Variants in PCM1 observed in about 807,000 individuals in gnomAD.
The protein encoded by PCM1 is pericentriolar material 1.
Under a neutral mutation model 241.9 loss-of-function variants are expected in PCM1, and 157 were observed. That is an observed-to-expected ratio of 0.65 (90% CI 0.57 to 0.74). PCM1 has a LOEUF of 0.74. PCM1 is among the 30% of genes least tolerant of loss of function. The probability of loss-of-function intolerance (pLI) is 0.00; values close to 1 mark genes in which losing one functional copy is unlikely to be tolerated. For synonymous variants in PCM1, 1,085 were observed against 784.9 expected (o/e 1.38, Z -6.39); for missense variants, 3,478 against 2,360.1 (o/e 1.47, Z -9.81).
intron 29 of PCM1, among the ~76,000 whole-genome samples, chr8:17,998,329 G>C (rs2087779327): frequency 6.6e-6 from 1 of 152,156 alleles, no homozygotes; most frequent in South Asian, 2.1e-4. Context: ...GCTTGTTTGT[G>C]CCCATTCTTC....
At chr8:18,015,867 T>C (rs1345575991) in intron 36 of PCM1, 1 of 152,252 alleles carries the variant, frequency 6.6e-6, no homozygotes, top group Non-Finnish European at 1.5e-5. Flanking sequence ...CCACAGTTTG[T>C]GTCCTGAGCT....
chr8:17,969,811 G>A (rs1442463835), intron 22 of PCM1, 63 bp downstream of exon 22: 7 of 1,234,748 alleles, frequency 5.7e-6, no homozygotes, highest in Middle Eastern at 1.9e-4. Context: ...ATCTAATTAT[G>A]TGTAATTTGA....
At position 18,011,841 on chromosome 8, in the gene PCM1, G is replaced by T; in HGVS notation, c.5511+14G>T. The T allele has an allele frequency of 1.2e-6, 2 of 1,601,468 alleles. No individual in the cohort carries two copies. Among genetic ancestry groups the T allele is most frequent in the Non-Finnish European group, 1.7e-6 (2 of 1,175,110 alleles). ...CATGATGAACAGGTATTCCCGTATTGACTGACACACTTCCATCAGCCTTAT... is the reference window on the plus strand; with the variant it reads ...CATGATGAACAGGTATTCCCGTATTTACTGACACACTTCCATCAGCCTTAT... On this transcript the variant is annotated intron_variant, in intron 34 of 38. Coordinates refer to ENST00000325083, the MANE Select transcript of PCM1 (RefSeq NM_006197.4).
intron 9 of PCM1, among the ~76,000 whole-genome samples, chr8:17,954,932 C>T (rs987204046): frequency 6.6e-6 from 1 of 152,072 alleles, no homozygotes; most frequent in Non-Finnish European, 1.5e-5. Context: ...TTTTCTTTCT[C>T]TCCTGGAGCA....
rs1351141990 is a variant in PCM1, at chr8:17,957,336, A to C, written c.1719A>C (p.Arg573Ser). ...HSNAQCVSNN[R>S]DGRTVNSNCE... ...ATGCACAGTGTGTTTCTAATAATAGAGATGGGCGAACAGTTAATTCTAATT... is the reference window on the plus strand; with the variant it reads ...ATGCACAGTGTGTTTCTAATAATAGCGATGGGCGAACAGTTAATTCTAATT... The change falls in exon 12 of 39, where the codon AGA (arginine) becomes AGC (serine). Residue 573 changes from arginine to serine, a missense_variant. By Grantham distance (110) the Arg-to-Ser change is moderately radical. Coordinates refer to ENST00000325083, the MANE Select transcript of PCM1 (RefSeq NM_006197.4). 6.2e-7 allele frequency: 1 copy of C among 1,611,566 alleles called. No homozygotes were observed. Among genetic ancestry groups the C allele is most frequent in the Non-Finnish European group, 8.5e-7 (1 of 1,177,940 alleles).
chr8:17,963,730 G>A (rs1157326439), intron 17 of PCM1, among the ~76,000 whole-genome samples: 1 of 152,106 alleles, frequency 6.6e-6, no homozygotes, highest in African/African-American at 2.4e-5. Flanking sequence ...AGTTTAAAAT[G>A]TCCATATTTA....
Position 17,956,628 on chromosome 8 carries a change from A to G in PCM1, c.1497A>G (p.Arg499=), listed in dbSNP as rs1289208711. Residue 499 remains arginine (R), a synonymous_variant, in exon 11 of 39, where the codon AGA becomes AGG. Transcript: ENST00000325083. ...KLQKLNEVRK[R]LNELRELVHY... is the part of the protein sequence containing the mutation. ...GGAAGTTAAATGAAGTTCGAAAGAG[A>G]TTGAATGAGCTAAGAGAATTAGTTC... 1.9e-6 allele frequency: 3 copies of G among 1,597,224 alleles called. No individual in the cohort carries two copies. Among genetic ancestry groups the G allele is most frequent in the Non-Finnish European group, 2.6e-6 (3 of 1,170,452 alleles).
rs371748204 is a variant in PCM1, at chr8:18,011,755, A to G, written c.5439A>G (p.Glu1813=). 41 of 1,613,682 alleles carry G rather than the reference A, an allele frequency of 2.5e-5. No homozygotes were observed. Among genetic ancestry groups the G allele is most frequent in the Admixed American group, 1.7e-5 (1 of 59,982 alleles). ...ATGAAGAAATGGAAGAATTTGAAGA[A>G]GGCCCTGTGGATGTCCAGACTTCCC... ...NEDEEMEEFE[E]GPVDVQTSLQ... Residue 1813 remains glutamate, a synonymous_variant, in exon 34 of 39, where the codon GAA becomes GAG. Transcript: ENST00000325083.
At chr8:18,015,481 A>G (rs928303778) in intron 36 of PCM1, among the ~76,000 whole-genome samples, 1 of 152,204 alleles carries the variant, frequency 6.6e-6, no homozygotes, top group Admixed American at 6.5e-5. Flanking sequence ...GCCCCCTAAC[A>G]TATGGATATG....
At chr8:17,959,118 T>A (rs1411457578) in intron 13 of PCM1, among the ~76,000 whole-genome samples, 1 of 152,160 alleles carries the variant, frequency 6.6e-6, no homozygotes, top group Non-Finnish European at 1.5e-5. Flanking sequence ...ATGCACCTAT[T>A]TTTAAAAAAA....
chr8:17,956,096 T>C (rs2129460930), intron 10 of PCM1: 1 of 210,572 alleles, frequency 4.7e-6, no homozygotes, highest in East Asian at 1.4e-4. Context: ...TAAAAAACGT[T>C]GGCGCAGTTC....
At chr8:17,927,534 A>G (rs961891030) in intron 2 of PCM1, 7 of 152,190 alleles carry the variant, frequency 4.6e-5, no homozygotes, top group Non-Finnish European at 5.9e-5. Context: ...ATATGTCTCT[A>G]TAGTTAGAAT....
intron 26 of PCM1, among the ~76,000 whole-genome samples, chr8:17,988,732 G>T (rs1357849460): frequency 6.6e-6 from 1 of 151,862 alleles, no homozygotes; most frequent in African/African-American, 2.4e-5. Flanking sequence ...GAAGATATAT[G>T]AATGGCTAAT....
chr8:17,999,284 C>G (rs550412823), intron 29 of PCM1, among the ~76,000 whole-genome samples: 4 of 152,174 alleles, frequency 2.6e-5, no homozygotes, highest in South Asian at 2.1e-4. Context: ...ATCTCTGAGT[C>G]TCACCCAAGG....
intron 34 of PCM1, chr8:18,013,711 A>T (rs2092795773): frequency 2.9e-6 from 1 of 339,942 alleles, no homozygotes. Flanking sequence ...CTGAAAAAAA[A>T]TGAACAGTGC....
intron 28 of PCM1, among the ~76,000 whole-genome samples, chr8:17,991,971 A>G (rs1208060556): frequency 6.6e-6 from 1 of 152,146 alleles, no homozygotes; most frequent in Non-Finnish European, 1.5e-5. Context: ...TTCCATTCCT[A>G]AGTTACATCA....
chr8:17,932,484 CTTAT>C (rs1205700229), intron 2 of PCM1, among the ~76,000 whole-genome samples: 1 of 151,840 alleles, frequency 6.6e-6, no homozygotes, highest in Non-Finnish European at 1.5e-5. Context: ...TTAATAGTTT[CTTAT>C]TTTAATTTGC....
intron 20 of PCM1, 52 bp downstream of exon 20, chr8:17,966,525 G>A: frequency 6.5e-7 from 1 of 1,533,314 alleles, no homozygotes; most frequent in South Asian, 1.2e-5. Context: ...ACATTGAGCA[G>A]AGGTTTTACA....
rs548195274 is a variant in PCM1, at chr8:18,016,939, C to T, written c.5841+2099C>T. ...CCATAGCAAAAGATTTTCCAAATCC[C>T]AAGGAAAATCCAAAACAGTTTGCTG... On this transcript the variant is annotated intron_variant, in intron 36 of 38. Coordinates refer to ENST00000325083, the MANE Select transcript of PCM1 (RefSeq NM_006197.4). 2.3e-4 allele frequency among the ~76,000 whole-genome samples: 35 copies of T among 152,266 alleles called. No homozygotes were observed. In the South Asian group the frequency reaches 7.2e-3, roughly 32 times the overall value.
Sources: gnomAD v4.1 joint callset for allele counts (sites outside exome capture counted in the v4.1 genomes callset) on GRCh38, gnomAD v4.1.1 for gene constraint, MANE v1.5 for transcripts, NCBI Gene and HGNC (gene_info 2026-07-23, HGNC 2026-07-21) for gene names.